The following DPP6 variants were observed in gnomAD, a reference collection of about 807,000 sequenced individuals.
The protein encoded by DPP6 is A-type potassium channel modulatory protein DPP6.
A neutral mutation model predicts 122.6 loss-of-function variants in DPP6; 69 were observed. That is an observed-to-expected ratio of 0.56 (90% CI 0.46 to 0.69). DPP6 has a LOEUF of 0.69. DPP6 is among the 30% of genes least tolerant of loss of function. DPP6 has a pLI of 0.00. For synonymous variants in DPP6, 418 were observed against 433.1 expected, an observed-to-expected ratio of 0.97 and a Z score of 0.43; for missense variants, 928 against 1,116.9, an observed-to-expected ratio of 0.83 and a Z score of 2.41.
chr7:154,608,211 C>T (rs780357396), intron 5 of DPP6, among the ~76,000 whole-genome samples: 1 of 150,966 alleles, frequency 6.6e-6, no homozygotes, highest in Non-Finnish European at 1.5e-5. Flanking sequence ...GATCTCCTGA[C>T]CTCGTGATCC....
At chr7:154,375,324 G>A (rs1054991280) in intron 1 of DPP6, among the ~76,000 whole-genome samples, 1 of 152,088 alleles carries the variant, frequency 6.6e-6, no homozygotes, top group African/African-American at 2.4e-5. Context: ...ACAATGGCGA[G>A]GGGATGTTGG....
chr7:153,972,805 G>T (rs1232378539), intron 1 of DPP6, among the ~76,000 whole-genome samples: 1 of 151,302 alleles, frequency 6.6e-6, no homozygotes, highest in Non-Finnish European at 1.5e-5. Context: ...TTATCTCTGA[G>T]CCTCAGTATT....
chr7:154,576,772 A>C (rs1419807741), intron 5 of DPP6, among the ~76,000 whole-genome samples: 1 of 152,042 alleles, frequency 6.6e-6, no homozygotes, highest in Non-Finnish European at 1.5e-5. Flanking sequence ...AGCACCCACG[A>C]CCTGCACGGA....
intron 2 of DPP6, among the ~76,000 whole-genome samples, chr7:154,466,316 G>C (rs959568497): frequency 6.6e-6 from 1 of 152,118 alleles, no homozygotes; most frequent in Non-Finnish European, 1.5e-5. Context: ...TAACACACCT[G>C]CACATTCTGC....
chr7:154,075,945 G>A (rs1184374526), intron 1 of DPP6, among the ~76,000 whole-genome samples: 2 of 151,706 alleles, frequency 1.3e-5, no homozygotes, highest in East Asian at 3.9e-4. Context: ...AAATTCATAG[G>A]TGATAAAATG....
intron 1 of DPP6, among the ~76,000 whole-genome samples, chr7:154,334,929 A>G (rs976017879): frequency 3.3e-5 from 5 of 152,062 alleles, no homozygotes; most frequent in African/African-American, 9.7e-5. Flanking sequence ...AAATACAACA[A>G]TGTGTGGTCC....
chr7:153,962,648 T>A (rs979449577), intron 1 of DPP6, among the ~76,000 whole-genome samples: 2 of 152,176 alleles, frequency 1.3e-5, no homozygotes, highest in African/African-American at 4.8e-5. Flanking sequence ...GCTCAGGAAG[T>A]AAACCTGTCA....
intron 4 of DPP6, among the ~76,000 whole-genome samples, chr7:154,543,721 C>T (rs1267832823): frequency 2.6e-5 from 4 of 152,074 alleles, no homozygotes; most frequent in East Asian, 3.9e-4. Flanking sequence ...AGACCAGGTG[C>T]GGTGGTTCAT....
At chr7:154,253,355 G>T (rs548532258) in intron 1 of DPP6, among the ~76,000 whole-genome samples, 1 of 152,320 alleles carries the variant, frequency 6.6e-6, no homozygotes, top group African/African-American at 2.4e-5. Context: ...ACAGGTGTGG[G>T]GGGTGAGGGG....
chr7:154,699,608 C>T (rs560508495), intron 7 of DPP6, among the ~76,000 whole-genome samples: 3 of 152,334 alleles, frequency 2.0e-5, no homozygotes, highest in Admixed American at 2.0e-4. Flanking sequence ...GGGGAACTTG[C>T]CGCCCCCAGA....
intron 1 of DPP6, among the ~76,000 whole-genome samples, chr7:153,916,003 G>A (rs1654923399): frequency 6.6e-6 from 1 of 151,822 alleles, no homozygotes; most frequent in South Asian, 2.1e-4. Context: ...GTCTCGCTCT[G>A]TCGCCCAGGC....
intron 7 of DPP6, among the ~76,000 whole-genome samples, chr7:154,719,483 A>T (rs1001465002): frequency 1.3e-5 from 2 of 152,192 alleles, no homozygotes; most frequent in African/African-American, 4.8e-5. Context: ...AGACCAGATG[A>T]TCCCACAGGA....
At chr7:154,344,579 A>G (rs976352642) in intron 1 of DPP6, among the ~76,000 whole-genome samples, 34 of 152,196 alleles carry the variant, frequency 2.2e-4, no homozygotes, top group African/African-American at 8.2e-4. Context: ...CAGCTGTACC[A>G]GCCTGCGATA....
upstream of DPP6, among the ~76,000 whole-genome samples, chr7:153,885,390 T>C (rs1205261234): frequency 3.3e-5 from 5 of 151,946 alleles, no homozygotes; most frequent in African/African-American, 1.2e-4. Context: ...AGGGTGATGG[T>C]GTTAGGGGCT....
intron 5 of DPP6, among the ~76,000 whole-genome samples, chr7:154,621,056 C>T (rs936576518): frequency 6.6e-6 from 1 of 152,104 alleles, no homozygotes; most frequent in Admixed American, 6.6e-5. Context: ...GAGCTGAAAC[C>T]CTACCTCAAT....
the DPP6 span, among the ~76,000 whole-genome samples, chr7:153,850,065 A>G: frequency 6.6e-6 from 1 of 152,022 alleles, no homozygotes; most frequent in Admixed American, 6.6e-5. Flanking sequence ...CTTTTATATT[A>G]TTACCTGTTG....
chr7:154,829,504 G>GAAAA (rs1800459187), intron 16 of DPP6, among the ~76,000 whole-genome samples: 1 of 140,678 alleles, frequency 7.1e-6, no homozygotes, highest in African/African-American at 2.7e-5. Flanking sequence ...GGGAAGGAAG[G>GAAAA]AAGGAAGGAA....
At chr7:154,342,100 G>C (rs978670637) in intron 1 of DPP6, among the ~76,000 whole-genome samples, 2 of 152,284 alleles carry the variant, frequency 1.3e-5, no homozygotes, top group African/African-American at 4.8e-5. Flanking sequence ...TTAATAATTG[G>C]TTAATTATGA....
chr7:153,822,245 A>G, the DPP6 span, among the ~76,000 whole-genome samples: 2 of 133,042 alleles, frequency 1.5e-5, no homozygotes, highest in African/African-American at 2.9e-5. Context: ...GCTGGAGTGC[A>G]GTGGTGCCAT....
Sources: allele counts gnomAD v4.1 joint callset (sites outside exome capture counted in the v4.1 genomes callset), GRCh38; gene constraint gnomAD v4.1.1; transcripts MANE v1.5; gene names NCBI Gene and HGNC (gene_info 2026-07-23, HGNC 2026-07-21).